The following PDE7A variants were observed in gnomAD, a reference collection of about 807,000 sequenced individuals.
The protein encoded by PDE7A is high affinity 3',5'-cyclic-AMP phosphodiesterase 7A.
Under a neutral mutation model 64.3 loss-of-function variants are expected in PDE7A, and 39 were observed. The observed-to-expected ratio is 0.61, with a 90% CI of 0.47 to 0.79. The LOEUF (loss-of-function observed/expected upper bound fraction) is 0.79, where lower values mean the gene tolerates loss of function less well. Ranked by LOEUF, PDE7A falls within the 30% of genes least tolerant of loss-of-function variation. The pLI, the probability that PDE7A is intolerant of heterozygous loss-of-function variation, is 0.00. For synonymous variants in PDE7A, 203 were observed against 206.8 expected (o/e 0.98, Z 0.16); for missense variants, 470 against 582.8 (o/e 0.81, Z 1.99).
At chr8:65,759,244 G>A (rs1221274144) in intron 3 of PDE7A, among the ~76,000 whole-genome samples, 2 of 152,172 alleles carry the variant, frequency 1.3e-5, no homozygotes, top group Admixed American at 6.5e-5. Flanking sequence ...ATTTCCTTAA[G>A]TGTCTGGCTC....
intron 7 of PDE7A, among the ~76,000 whole-genome samples, chr8:65,734,181 C>G (rs1400206120): frequency 6.6e-6 from 1 of 152,186 alleles, no homozygotes; most frequent in Non-Finnish European, 1.5e-5. Flanking sequence ...GCTCTACATT[C>G]CTCCTCTCAT....
chr8:65,778,203 G>A (rs1384147767), intron 3 of PDE7A, among the ~76,000 whole-genome samples: 1 of 152,106 alleles, frequency 6.6e-6, no homozygotes, highest in East Asian at 1.9e-4. Flanking sequence ...GTTATGCCAG[G>A]GTCTGGGCCC....
Position 65,811,251 on chromosome 8 carries a change from T to C in PDE7A, c.139-28408A>G, listed in dbSNP as rs564406927. Among the ~76,000 whole-genome samples the C allele has an allele frequency of 5.3e-5, 8 of 152,286 alleles. No individual in the cohort carries two copies. In the South Asian group the frequency reaches 1.7e-3, roughly 32 times the overall value. ...AGAACTTCATGAAGGGACTGTTTAC[T>C]GAGGTCTGGCCAGGGTGCAGCACCC... On this transcript the variant is annotated intron_variant, in intron 1 of 12. Transcript: ENST00000401827.
intron 1 of PDE7A, among the ~76,000 whole-genome samples, chr8:65,826,420 G>C (rs780315997): frequency 3.0e-4 from 45 of 152,152 alleles, no homozygotes; most frequent in Non-Finnish European, 5.6e-4. Context: ...CTCTATCTTT[G>C]AAACCAAACA....
intron 7 of PDE7A, among the ~76,000 whole-genome samples, chr8:65,731,405 G>A (rs1806881156): frequency 6.6e-6 from 1 of 152,076 alleles, no homozygotes; most frequent in African/African-American, 2.4e-5. Context: ...TTTATCTCTG[G>A]GACATGTAAG....
chr8:65,823,195 C>A (rs984133335), intron 1 of PDE7A, among the ~76,000 whole-genome samples: 1 of 151,974 alleles, frequency 6.6e-6, no homozygotes, highest in Non-Finnish European at 1.5e-5. Context: ...AAAAACCACA[C>A]CTCAAATAGA....
At chr8:65,753,786 G>A (rs1318023462) in intron 3 of PDE7A, among the ~76,000 whole-genome samples, 3 of 152,042 alleles carry the variant, frequency 2.0e-5, no homozygotes, top group Non-Finnish European at 4.4e-5. Context: ...TTCATATATT[G>A]TGGAAATCCA....
intron 1 of PDE7A, among the ~76,000 whole-genome samples, chr8:65,817,062 T>A (rs1051292033): frequency 7.9e-5 from 12 of 152,244 alleles, no homozygotes; most frequent in African/African-American, 2.7e-4. Context: ...TGTTCATGGA[T>A]TCATTTTCTT....
chr8:65,799,447 A>G (rs1415505777), intron 1 of PDE7A, among the ~76,000 whole-genome samples: 1 of 152,174 alleles, frequency 6.6e-6, no homozygotes, highest in Non-Finnish European at 1.5e-5. Context: ...ACTAATACAC[A>G]TTTTGGAAAA....
chr8:65,812,683 A>T (rs1001718039), intron 1 of PDE7A, among the ~76,000 whole-genome samples: 23 of 152,230 alleles, frequency 1.5e-4, no homozygotes, highest in Admixed American at 1.4e-3. Context: ...TATTTTTCTT[A>T]TATTACTCTT....
rs190824034 is a variant in PDE7A, at chr8:65,792,153, G to A, written c.139-9310C>T. On this transcript the variant is annotated intron_variant, in intron 1 of 12. Transcript: ENST00000401827. ...GTATTCTTTTACATTAACTGTTTTCGTAGTTGTCTCATATCCTTAGTGAAA... is the reference window on the plus strand; with the variant it reads ...GTATTCTTTTACATTAACTGTTTTCATAGTTGTCTCATATCCTTAGTGAAA... Among the ~76,000 whole-genome samples, 30 of 152,034 alleles carry A rather than the reference G, an allele frequency of 2.0e-4. 2 individuals are homozygous for A. The East Asian group carries it at 4.6e-3, about 23-fold the overall frequency.
At chr8:65,811,102 T>G (rs188695993) in intron 1 of PDE7A, among the ~76,000 whole-genome samples, 27 of 152,142 alleles carry the variant, frequency 1.8e-4, no homozygotes, top group Admixed American at 5.9e-4. Flanking sequence ...ATAGGAACAT[T>G]CAGTGCTAGC....
chr8:65,807,373 T>C (rs1810136614), intron 1 of PDE7A, among the ~76,000 whole-genome samples: 2 of 152,246 alleles, frequency 1.3e-5, no homozygotes, highest in Admixed American at 1.3e-4. Flanking sequence ...TTCTGTATGT[T>C]GATCTTGCAT....
chr8:65,811,700 C>T (rs1021980349), intron 1 of PDE7A, among the ~76,000 whole-genome samples: 1 of 152,100 alleles, frequency 6.6e-6, no homozygotes. Context: ...ACTACAAATT[C>T]AAACAATTCC....
chr8:65,832,715 T>C (rs998359034), intron 1 of PDE7A, among the ~76,000 whole-genome samples: 15 of 152,136 alleles, frequency 9.9e-5, no homozygotes, highest in Non-Finnish European at 2.1e-4. Context: ...CTCAAATTCC[T>C]GAATTCAAGC....
In PDE7A at chr8:65,841,388, G is replaced by C. The variant is rs1479331333; in HGVS notation, c.121C>G (p.Pro41Ala). ...GCGATTACCTGAGAGAGCTGCCGGGGATTGGGGCAGCCGAAGAGAGCGGAG... is the reference window on the plus strand; with the variant it reads ...GCGATTACCTGAGAGAGCTGCCGGGCATTGGGGCAGCCGAAGAGAGCGGAG... ...SSSALFGCPN[P>A]RQLSQRRGAI... The change falls in exon 1 of 13, where the codon CCC becomes GCC. Residue 41 changes from proline to alanine, a missense_variant. Transcript: ENST00000401827. 1 of 1,560,602 alleles carries C rather than the reference G, an allele frequency of 6.4e-7. No individual in the cohort carries two copies. Among genetic ancestry groups the C allele is most frequent in the Non-Finnish European group, 8.6e-7 (1 of 1,158,044 alleles).
chr8:65,736,076 T>C (rs1807116369), intron 6 of PDE7A, among the ~76,000 whole-genome samples: 1 of 152,146 alleles, frequency 6.6e-6, no homozygotes, highest in Admixed American at 6.6e-5. Context: ...CCTACGATAA[T>C]GCGCAATTTA....
intron 1 of PDE7A, among the ~76,000 whole-genome samples, chr8:65,802,296 A>G (rs536306800): frequency 6.6e-6 from 1 of 152,378 alleles, no homozygotes; most frequent in South Asian, 2.1e-4. Context: ...TAATGCTACC[A>G]AAGTTCTGCA....
chr8:65,816,955 G>C (rs1810422185), intron 1 of PDE7A, among the ~76,000 whole-genome samples: 1 of 152,136 alleles, frequency 6.6e-6, no homozygotes, highest in Non-Finnish European at 1.5e-5. Flanking sequence ...CACATCTGTA[G>C]TACACTTAAT....
Sources: allele counts gnomAD v4.1 joint callset (sites outside exome capture counted in the v4.1 genomes callset), GRCh38; gene constraint gnomAD v4.1.1; transcripts MANE v1.5; gene names NCBI Gene and HGNC (gene_info 2026-07-23, HGNC 2026-07-21).